WDR70: variants seen among roughly 807,000 people sequenced by gnomAD.
WDR70 encodes the protein WD repeat domain 70.
A neutral mutation model predicts 88.6 loss-of-function variants in WDR70; 53 were observed. The ratio of observed to expected loss-of-function variants is 0.60; its 90% confidence interval spans 0.48 to 0.75. The LOEUF is 0.75. WDR70 is among the 30% of genes least tolerant of loss of function. The pLI is 0.00. For synonymous variants in WDR70, 280 were observed against 270.0 expected (o/e 1.04, Z -0.36); for missense variants, 610 against 823.2 (o/e 0.74, Z 3.17).
intron 17 of WDR70, among the ~76,000 whole-genome samples, chr5:37,742,154 G>GAACCACTACACTGTT (rs1748500687): frequency 6.6e-6 from 1 of 150,648 alleles, no homozygotes; most frequent in Non-Finnish European, 1.5e-5. Context: ...ATTTTTTGAG[G>GAACCACTACACTGTT]AACCACTACA....
At chr5:37,480,667 A>G (rs905698603) in intron 8 of WDR70, among the ~76,000 whole-genome samples, 4 of 152,154 alleles carry the variant, frequency 2.6e-5, no homozygotes, top group African/African-American at 7.2e-5. Context: ...ACACATGGGA[A>G]TTGTTACAAT....
chr5:37,694,039 A>T (rs537340929), intron 10 of WDR70, among the ~76,000 whole-genome samples: 1 of 152,026 alleles, frequency 6.6e-6, no homozygotes, highest in Non-Finnish European at 1.5e-5. Flanking sequence ...AGAGCAGTGG[A>T]TATGAACAGA....
At chr5:37,488,502 C>CTTTTTTT (rs113142236) in intron 8 of WDR70, among the ~76,000 whole-genome samples, 1 of 137,532 alleles carries the variant, frequency 7.3e-6, no homozygotes, top group Non-Finnish European at 1.5e-5. Flanking sequence ...TTGTTCTTTA[C>CTTTTTTT]TTTTTTTTTT....
At chr5:37,384,963 T>G (rs545967641) in intron 3 of WDR70, among the ~76,000 whole-genome samples, 2 of 152,300 alleles carry the variant, frequency 1.3e-5, no homozygotes, top group South Asian at 4.1e-4. Flanking sequence ...TCTAATCTAC[T>G]GGCTATAAAT....
rs560219053 is a variant in WDR70, at chr5:37,393,595, T to A, written c.296+1475T>A. 4.9e-4 allele frequency among the ~76,000 whole-genome samples: 74 copies of A among 152,148 alleles called. No homozygotes were observed. In the South Asian group the frequency reaches 0.011, roughly 22 times the overall value. On this transcript the variant is annotated intron_variant, in intron 4 of 17. Coordinates refer to ENST00000265107, the MANE Select transcript of WDR70 (RefSeq NM_018034.4). Reference sequence around the variant, plus strand: ...TTTGTTTCAAGAAATTAAAAAAAAATTTTTTTTATTGACCCTTTGGTCATT... The same window carrying A: ...TTTGTTTCAAGAAATTAAAAAAAAAATTTTTTTATTGACCCTTTGGTCATT...
intron 7 of WDR70, among the ~76,000 whole-genome samples, chr5:37,449,033 G>A (rs1272289723): frequency 6.6e-6 from 1 of 152,180 alleles, no homozygotes; most frequent in Non-Finnish European, 1.5e-5. Flanking sequence ...TCATGGTAAA[G>A]TTACTTTTTC....
At chr5:37,445,730 A>T (rs1249320590) in intron 7 of WDR70, among the ~76,000 whole-genome samples, 5 of 152,194 alleles carry the variant, frequency 3.3e-5, no homozygotes. Context: ...CCTTTGACAA[A>T]ATTCAACAGC....
chr5:37,492,102 C>A (rs1244897712), intron 8 of WDR70, among the ~76,000 whole-genome samples: 1 of 152,158 alleles, frequency 6.6e-6, no homozygotes, highest in Non-Finnish European at 1.5e-5. Flanking sequence ...AGATTTGGTA[C>A]TCTGGTTATA....
At chr5:37,665,605 CA>C (rs773376880) in intron 10 of WDR70, among the ~76,000 whole-genome samples, 6 of 152,182 alleles carry the variant, frequency 3.9e-5, no homozygotes, top group Non-Finnish European at 8.8e-5. Context: ...AAATAAAAAT[CA>C]GTCAAAAATT....
chr5:37,713,123 C>G (rs1480616686), intron 13 of WDR70, among the ~76,000 whole-genome samples: 1 of 152,208 alleles, frequency 6.6e-6, no homozygotes, highest in Non-Finnish European at 1.5e-5. Flanking sequence ...AATCCAGATT[C>G]AAACCCTGCA....
intron 9 of WDR70, among the ~76,000 whole-genome samples, chr5:37,522,460 G>T (rs1256328407): frequency 1.6e-5 from 2 of 124,378 alleles, no homozygotes; most frequent in African/African-American, 6.2e-5. Flanking sequence ...GATGGAGTGA[G>T]ACTCTGTCTC....
At chr5:37,496,409 C>T (rs1390978255) in intron 8 of WDR70, among the ~76,000 whole-genome samples, 5 of 152,172 alleles carry the variant, frequency 3.3e-5, no homozygotes, top group Non-Finnish European at 7.4e-5. Context: ...AGACCACGAA[C>T]CCACTGGAAG....
intron 10 of WDR70, among the ~76,000 whole-genome samples, chr5:37,675,911 G>A (rs919372265): frequency 3.3e-5 from 5 of 152,028 alleles, no homozygotes; most frequent in African/African-American, 1.2e-4. Flanking sequence ...TTATTTCATG[G>A]AGCAGTGGTT....
chr5:37,563,531 ATGGGGCGGCTGGC>A (rs1742608731), intron 9 of WDR70, among the ~76,000 whole-genome samples: 1 of 54,314 alleles, frequency 1.8e-5, no homozygotes, highest in African/African-American at 6.1e-5. Flanking sequence ...CACCTCCCGG[ATGGGGCGGCTGGC>A]CGGGCGGGGG....
intron 5 of WDR70, among the ~76,000 whole-genome samples, chr5:37,426,483 C>T (rs368662681): frequency 6.6e-5 from 10 of 152,300 alleles, no homozygotes; most frequent in African/African-American, 2.4e-4. Flanking sequence ...TGGAGGTTAG[C>T]TGCTTCTTCT....
intron 9 of WDR70, among the ~76,000 whole-genome samples, chr5:37,580,036 A>T (rs2112423609): frequency 6.6e-6 from 1 of 152,326 alleles, no homozygotes; most frequent in Admixed American, 6.5e-5. Context: ...TATCTGTTGT[A>T]TGCCCAAGAC....
At chr5:37,724,395 C>G (rs1282109417) in intron 15 of WDR70, 1 of 152,438 alleles carries the variant, frequency 6.6e-6, no homozygotes, top group African/African-American at 2.4e-5. Flanking sequence ...TTAGGCACCT[C>G]TTGCATTCAT....
chr5:37,523,674 A>ACTTCTCCT (rs1362045617), intron 9 of WDR70, among the ~76,000 whole-genome samples: 4 of 152,210 alleles, frequency 2.6e-5, no homozygotes, highest in Non-Finnish European at 5.9e-5. Flanking sequence ...AGACGATCAA[A>ACTTCTCCT]CTTCTCCGAG....
At position 37,664,565 on chromosome 5, in the gene WDR70, A is replaced by C. The variant is rs76663229; in HGVS notation, c.1093-33090A>C. On this transcript the variant is annotated intron_variant, in intron 10 of 17. Transcript: ENST00000265107. ...TTTTCCCATCTTCTATTCCTTCTGA[A>C]CCTATTAATATTATACTACCATGAT... is the stretch of plus-strand genomic sequence containing the variant. Among the ~76,000 whole-genome samples the C allele has an allele frequency of 2.0e-5, 3 of 152,056 alleles. No individual in the cohort carries two copies. In the East Asian group the frequency reaches 5.8e-4, roughly 29 times the overall value.
Sources: allele counts gnomAD v4.1 joint callset (sites outside exome capture counted in the v4.1 genomes callset), GRCh38; gene constraint gnomAD v4.1.1; transcripts MANE v1.5; gene names NCBI Gene and HGNC (gene_info 2026-07-23, HGNC 2026-07-21).